Variants in ACBD6 observed in about 807,000 individuals in gnomAD.
The protein encoded by ACBD6 is acyl-CoA-binding domain-containing protein 6.
A neutral mutation model predicts 37.2 loss-of-function variants in ACBD6; 28 were observed. The ratio of observed to expected loss-of-function variants is 0.75; its 90% CI spans 0.56 to 1.03. The LOEUF is 1.03. Ranked by LOEUF, ACBD6 falls within the 50% of genes least tolerant of loss-of-function variation. The pLI is 0.00. For missense variants in ACBD6, 340 were observed against 337.4 expected (o/e 1.01, Z -0.06); for synonymous variants, 113 against 126.8 (o/e 0.89, Z 0.73).
chr1:180,348,193 T>C lies in ACBD6; in HGVS notation c.664-33471A>G, dbSNP rs146072798. Among the ~76,000 whole-genome samples, 42 of 152,352 alleles carry C rather than the reference T, an allele frequency of 2.8e-4. No homozygotes were observed. The East Asian group carries it at 7.7e-3, about 28-fold the overall frequency. Reference sequence around the variant, plus strand: ...AGAATATTAATATCCTACGATCTAATTGCCTTTTAATGCTCCTTTTGGGCA... The same window carrying C: ...AGAATATTAATATCCTACGATCTAACTGCCTTTTAATGCTCCTTTTGGGCA... On this transcript the variant is annotated intron_variant, in intron 6 of 7. Transcript: ENST00000367595.
At chr1:180,311,450 T>G (rs553795693) in intron 7 of ACBD6, among the ~76,000 whole-genome samples, 1 of 152,278 alleles carries the variant, frequency 6.6e-6, no homozygotes, top group South Asian at 2.1e-4. Flanking sequence ...ACTTTTTAAT[T>G]TTTTTGAGAC....
chr1:180,324,620 G>T (rs1364499519), intron 6 of ACBD6, among the ~76,000 whole-genome samples: 1 of 152,092 alleles, frequency 6.6e-6, no homozygotes, highest in Non-Finnish European at 1.5e-5. Flanking sequence ...TTCTACTTAA[G>T]AGTAGTTTAC....
intron 3 of ACBD6, among the ~76,000 whole-genome samples, chr1:180,472,098 G>A (rs1222910398): frequency 3.3e-5 from 5 of 152,166 alleles, no homozygotes; most frequent in Admixed American, 6.5e-5. Context: ...ACATAGGTAC[G>A]TATAGGGCAA....
intron 6 of ACBD6, among the ~76,000 whole-genome samples, chr1:180,315,335 T>C (rs887368502): frequency 3.9e-5 from 6 of 152,186 alleles, no homozygotes; most frequent in East Asian, 3.8e-4. Flanking sequence ...CCAAGAAAAC[T>C]ATATATACTA....
chr1:180,296,730 C>T (rs1481704093), intron 7 of ACBD6, among the ~76,000 whole-genome samples: 1 of 152,046 alleles, frequency 6.6e-6, no homozygotes, highest in Non-Finnish European at 1.5e-5. Flanking sequence ...CATGTCCAGC[C>T]AACAGATTTT....
In ACBD6 at chr1:180,288,595, A is replaced by C. The variant is rs548774038; in HGVS notation, c.695-78T>G. ...CTCCTCTACTTCAGCAGGAAAGGAA[A>C]GTGCTGAGCAATAAGGAATACTGAA... On this transcript the variant is annotated intron_variant, in intron 7 of 7. Coordinates refer to ENST00000367595, the MANE Select transcript of ACBD6 (RefSeq NM_032360.4). 55 of 1,492,978 alleles carry C rather than the reference A, an allele frequency of 3.7e-5. No homozygotes were observed. The African/African-American group carries it at 7.5e-4, about 20-fold the overall frequency. The allele number at this position is 1,492,978 out of a possible 1,614,324, so 92.5% of individuals were successfully genotyped here.
intron 13 of ACBD6, chr1:180,272,098 C>A (rs887831132): frequency 8.6e-7 from 1 of 1,168,510 alleles, no homozygotes; most frequent in Non-Finnish European, 1.2e-6. Context: ...TTTCTTGAGG[C>A]CTTGGCAACT....
At chr1:180,422,937 T>C (rs1557863518) in intron 4 of ACBD6, among the ~76,000 whole-genome samples, 2 of 152,214 alleles carry the variant, frequency 1.3e-5, no homozygotes, top group Non-Finnish European at 2.9e-5. Flanking sequence ...GTTAATTTCA[T>C]GCAGTTATGA....
intron 6 of ACBD6, among the ~76,000 whole-genome samples, chr1:180,350,484 AG>A (rs1350567964): frequency 6.6e-6 from 1 of 152,326 alleles, no homozygotes; most frequent in South Asian, 2.1e-4. Flanking sequence ...AATTAATACA[AG>A]GGTATCTTCA....
chr1:180,271,761 C>G, exon 14 of ACBD6: 4 of 1,558,748 alleles, frequency 2.6e-6, no homozygotes, highest in Non-Finnish European at 3.5e-6. Context: ...TCCAGCCGCC[C>G]GCCTAGGGGG....
At chr1:180,441,238 A>G (rs961043074) in intron 3 of ACBD6, among the ~76,000 whole-genome samples, 4 of 152,216 alleles carry the variant, frequency 2.6e-5, no homozygotes, top group Non-Finnish European at 4.4e-5. Context: ...CCTACTGGGT[A>G]TGAAGTGGCC....
intron 6 of ACBD6, among the ~76,000 whole-genome samples, chr1:180,351,795 T>C (rs780260157): frequency 2.0e-5 from 3 of 152,286 alleles, no homozygotes; most frequent in Admixed American, 6.5e-5. Flanking sequence ...AATGATCCAG[T>C]AATTCCACTT....
intron 6 of ACBD6, among the ~76,000 whole-genome samples, chr1:180,328,984 AAAT>A (rs986568046): frequency 1.3e-5 from 2 of 152,300 alleles, no homozygotes; most frequent in African/African-American, 4.8e-5. Flanking sequence ...TAGATTTTTC[AAAT>A]AATTGGATCA....
chr1:180,488,087 T>C (rs1273992209), intron 3 of ACBD6, among the ~76,000 whole-genome samples: 4 of 150,158 alleles, frequency 2.7e-5, no homozygotes, highest in African/African-American at 1.0e-4. Context: ...TCGGAAAAAA[T>C]GTATTTGTGT....
chr1:180,418,026 A>T (rs1648170100), intron 4 of ACBD6, among the ~76,000 whole-genome samples: 1 of 118,580 alleles, frequency 8.4e-6, no homozygotes, highest in South Asian at 3.2e-4. Flanking sequence ...TATATGCCAA[A>T]TATAAAACTC....
At chr1:180,447,686 T>C (rs1302697325) in intron 3 of ACBD6, among the ~76,000 whole-genome samples, 3 of 152,168 alleles carry the variant, frequency 2.0e-5, no homozygotes, top group African/African-American at 7.2e-5. Context: ...AAAATTATCT[T>C]GAATATAGTA....
intron 5 of ACBD6, among the ~76,000 whole-genome samples, chr1:180,406,541 G>C (rs1024255148): frequency 6.6e-6 from 1 of 151,924 alleles, no homozygotes; most frequent in Non-Finnish European, 1.5e-5. Flanking sequence ...ATATATATTT[G>C]TTCATATACA....
At chr1:180,359,230 T>C (rs920022377) in intron 6 of ACBD6, among the ~76,000 whole-genome samples, 3 of 152,228 alleles carry the variant, frequency 2.0e-5, no homozygotes, top group African/African-American at 7.2e-5. Flanking sequence ...AAGCGACTGA[T>C]AACTCTTTTA....
Position 180,493,471 on chromosome 1 carries a change from G to A in ACBD6, c.288-1106C>T, listed in dbSNP as rs767185262. ...TTCTAAATTCCAACCAGTGTTTCTCGATTTCCCTGATTTGCTGTCAAACAG... is the reference window on the plus strand; with the variant it reads ...TTCTAAATTCCAACCAGTGTTTCTCAATTTCCCTGATTTGCTGTCAAACAG... On this transcript the variant is annotated intron_variant, in intron 2 of 7. Coordinates refer to ENST00000367595, the MANE Select transcript of ACBD6 (RefSeq NM_032360.4). 2.6e-5 allele frequency among the ~76,000 whole-genome samples: 4 copies of A among 151,684 alleles called. No individual in the cohort carries two copies. The East Asian group carries it at 7.8e-4, about 29-fold the overall frequency.
Sources: allele counts gnomAD v4.1 joint callset (sites outside exome capture counted in the v4.1 genomes callset), GRCh38; gene constraint gnomAD v4.1.1; transcripts MANE v1.5; gene names NCBI Gene and HGNC (gene_info 2026-07-23, HGNC 2026-07-21).